The following FBXO42 variants were observed in gnomAD, a reference collection of about 807,000 sequenced individuals.
The protein encoded by FBXO42 is F-box protein 42, also known as F-box only protein 42.
In FBXO42, 12 loss-of-function variants were observed where a neutral mutation model predicts 71.7. The observed-to-expected ratio is 0.17, with a 90% CI of 0.11 to 0.27. FBXO42 has a LOEUF of 0.27. Ranked by LOEUF, FBXO42 falls within the 10% of genes least tolerant of loss-of-function variation. FBXO42 has a pLI of 1.00. For missense variants in FBXO42, 707 were observed against 911.9 expected (o/e 0.78, Z 2.89); for synonymous variants, 325 against 327.5 (o/e 0.99, Z 0.08).
chr1:16,319,291 A>G (rs1304461243), intron 1 of FBXO42, among the ~76,000 whole-genome samples: 1 of 152,236 alleles, frequency 6.6e-6, no homozygotes, highest in Non-Finnish European at 1.5e-5. Flanking sequence ...CACTGCAGTA[A>G]TTCATGCACT....
rs138121201 is a variant in FBXO42, at chr1:16,261,611, TTACCA to T, written c.503-4857_503-4853del. 7.5e-3 allele frequency among the ~76,000 whole-genome samples: 1,135 copies of T among 152,258 alleles called. 10 individuals are homozygous for T. Among genetic ancestry groups the T allele is most frequent in the African/African-American group, 0.026 (1,080 of 41,554 alleles). ...ATTTGTGGGTGAACTGGAAAAAAAC[TTACCA>T]TACAAGAACAAATGAGGTGGCAGAG... On this transcript the variant is annotated intron_variant, in intron 4 of 9. Transcript: ENST00000375592.
At chr1:16,276,381 A>C (rs1265725461) in intron 4 of FBXO42, among the ~76,000 whole-genome samples, 1 of 61,996 alleles carries the variant, frequency 1.6e-5, no homozygotes, top group African/African-American at 7.7e-5. Context: ...CTCTGTCTCA[A>C]AAAAAAAAAA....
At chr1:16,286,420 C>T (rs2082023118) in intron 4 of FBXO42, among the ~76,000 whole-genome samples, 1 of 152,134 alleles carries the variant, frequency 6.6e-6, no homozygotes, top group Non-Finnish European at 1.5e-5. Context: ...GGAATGAGTG[C>T]AAGCAGGGGA....
intron 1 of FBXO42, among the ~76,000 whole-genome samples, chr1:16,350,796 A>AGAAAGAAAGAAAGAAGGAAAG (rs59531912): frequency 6.6e-6 from 1 of 151,202 alleles, no homozygotes; most frequent in Non-Finnish European, 1.5e-5. Flanking sequence ...AAAGAAAGAA[A>AGAAAGAAAGAAAGAAGGAAAG]ATGGTCAAAT....
At chr1:16,308,787 C>CAG (rs1294733807) in intron 2 of FBXO42, among the ~76,000 whole-genome samples, 2 of 141,628 alleles carry the variant, frequency 1.4e-5, no homozygotes, top group Non-Finnish European at 3.0e-5. Context: ...CTCTGCTGCC[C>CAG]AGGCTGGAGT....
intron 4 of FBXO42, among the ~76,000 whole-genome samples, chr1:16,275,763 C>T (rs1429575403): frequency 6.6e-6 from 1 of 152,154 alleles, no homozygotes; most frequent in Non-Finnish European, 1.5e-5. Context: ...AATCCCAGCG[C>T]TTTAGGACGC....
chr1:16,346,111 T>C (rs2100644295), intron 1 of FBXO42, among the ~76,000 whole-genome samples: 1 of 152,276 alleles, frequency 6.6e-6, no homozygotes, highest in South Asian at 2.1e-4. Flanking sequence ...AATATAGTGA[T>C]ACAGAAAGTA....
chr1:16,257,843 G>A (rs1378980745), intron 4 of FBXO42, among the ~76,000 whole-genome samples: 1 of 152,132 alleles, frequency 6.6e-6, no homozygotes. Context: ...ATCATGCCCA[G>A]CTAATTGTTG....
rs1156925690 is a variant in FBXO42 at position 16,246,854 on chromosome 1, C to A, written c.*3816G>T. On this transcript the variant is annotated 3_prime_UTR_variant, in exon 10 of 10. Transcript: ENST00000375592. The stretch of plus-strand genomic sequence containing the variant: ...TAATAAAACAGTTAAGACAATTGTC[C>A]ATTTTATTTGTTAAATTGCTAAAAA... The A allele has an allele frequency of 6.6e-6, 1 of 152,096 alleles. No homozygotes were observed. Among genetic ancestry groups the A allele is most frequent in the East Asian group, 1.9e-4 (1 of 5,184 alleles). The allele number at this position is 152,096 out of a possible 1,614,324, so 9.4% of individuals were successfully genotyped here. A position where few individuals can be genotyped will look rare whatever the true frequency, so the allele number is the denominator to read the frequency against.
intron 1 of FBXO42, among the ~76,000 whole-genome samples, chr1:16,335,938 G>C (rs1256775114): frequency 6.7e-6 from 1 of 149,864 alleles, no homozygotes; most frequent in Admixed American, 6.7e-5. Flanking sequence ...TTTAAATTTT[G>C]TTTTGTTTTT....
At chr1:16,280,403 C>G (rs1192970702) in intron 4 of FBXO42, among the ~76,000 whole-genome samples, 2 of 152,030 alleles carry the variant, frequency 1.3e-5, no homozygotes, top group African/African-American at 4.8e-5. Flanking sequence ...GATCTTAGAA[C>G]AGAAAAAGGA....
Position 16,311,499 on chromosome 1 carries a change from A to T in FBXO42, c.250+3670T>A, listed in dbSNP as rs1296172987. Among the ~76,000 whole-genome samples the T allele has an allele frequency of 6.7e-3, 462 of 68,596 alleles. 2 individuals carry two copies. Among genetic ancestry groups the T allele is most frequent in the African/African-American group, 0.021 (383 of 18,650 alleles). The allele number at this position is 68,596 out of a possible 152,430, so 45.0% of individuals were successfully genotyped here. A position where few individuals can be genotyped will look rare whatever the true frequency, so the allele number is the denominator to read the frequency against. On this transcript the variant is annotated intron_variant, in intron 2 of 9. Coordinates refer to ENST00000375592, the MANE Select transcript of FBXO42 (RefSeq NM_018994.3). ...CAAGATCTTGTCTCAAAAAAAAAAA[A>T]AAAAATATATATATATATATATATA...
Position 16,251,846 on chromosome 1 carries a change from C to T in FBXO42, c.1039-61G>A. The T allele has an allele frequency of 6.5e-7, 1 of 1,539,934 alleles. No homozygotes were observed. The highest frequency in any genetic ancestry group is 8.7e-7 in the Non-Finnish European group (1 of 1,143,120). On this transcript the variant is annotated intron_variant, in intron 9 of 9. Coordinates refer to ENST00000375592, the MANE Select transcript of FBXO42 (RefSeq NM_018994.3). This position sits in a 1 kb window ranked among gnomAD's most constrained non-coding sequence, Gnocchi z 4.5. ...TGATTCTGATTGTTCATTCAACTGT[C>T]AAACATTTTATCATGAGCATCTGTC...
chr1:16,330,650 T>C (rs1349332792), intron 1 of FBXO42, among the ~76,000 whole-genome samples: 1 of 151,900 alleles, frequency 6.6e-6, no homozygotes, highest in Non-Finnish European at 1.5e-5. Context: ...CTACTAAAAA[T>C]ACAAAAATTG....
At chr1:16,338,374 AAAG>A (rs1299642330) in intron 1 of FBXO42, among the ~76,000 whole-genome samples, 2 of 151,642 alleles carry the variant, frequency 1.3e-5, no homozygotes, top group African/African-American at 4.8e-5. Context: ...AAAAAAAAAA[AAAG>A]AATAACAATG....
At chr1:16,274,599 T>TG (rs938022510) in intron 4 of FBXO42, among the ~76,000 whole-genome samples, 2 of 116,060 alleles carry the variant, frequency 1.7e-5, no homozygotes, top group African/African-American at 6.5e-5. Context: ...TTTTTTTTTT[T>TG]TTTTTTTTTT....
At chr1:16,259,639 G>A (rs960239717) in intron 4 of FBXO42, among the ~76,000 whole-genome samples, 4 of 151,732 alleles carry the variant, frequency 2.6e-5, no homozygotes, top group African/African-American at 4.8e-5. Context: ...GGTAGCCCAC[G>A]CCTGTAATTC....
chr1:16,318,246 C>T (rs1020001904), intron 1 of FBXO42, among the ~76,000 whole-genome samples: 6 of 152,064 alleles, frequency 3.9e-5, no homozygotes, highest in Non-Finnish European at 5.9e-5. Flanking sequence ...TGGTGAAACC[C>T]GTCTCTACTA....
At chr1:16,296,649 C>CAAAAAAAAAAAA (rs58537213) in intron 3 of FBXO42, among the ~76,000 whole-genome samples, 3 of 91,334 alleles carry the variant, frequency 3.3e-5, no homozygotes, top group Non-Finnish European at 6.7e-5. Context: ...GACTCCATCT[C>CAAAAAAAAAAAA]AAAAAAAAAA....
Sources: allele counts gnomAD v4.1 joint callset (sites outside exome capture counted in the v4.1 genomes callset), GRCh38; gene constraint gnomAD v4.1.1; non-coding constraint Gnocchi (gnomAD v3.1); transcripts MANE v1.5; gene names NCBI Gene and HGNC (gene_info 2026-07-23, HGNC 2026-07-21).